Variants in GTF2IRD1 observed in about 807,000 individuals in gnomAD.
The protein encoded by GTF2IRD1 is GTF2I repeat domain containing 1, also known as general transcription factor II-I repeat domain-containing protein 1.
GTF2IRD1 carries 26 observed loss-of-function variants against 113.2 expected under a neutral mutation model. The ratio of observed to expected loss-of-function variants is 0.23; its 90% confidence interval spans 0.17 to 0.32. The LOEUF is 0.32. Among genes scored for constraint, GTF2IRD1 ranks in the 10% least tolerant of loss-of-function variants. GTF2IRD1 has a pLI of 1.00. For synonymous variants in GTF2IRD1, 484 were observed against 529.1 expected, an observed-to-expected ratio of 0.91 and a Z score of 1.17; for missense variants, 864 against 1,280.8, an observed-to-expected ratio of 0.67 and a Z score of 4.97.
At chr7:74,454,418 G>A (rs1286276928) in intron 1 of GTF2IRD1, among the ~76,000 whole-genome samples, 1 of 151,922 alleles carries the variant, frequency 6.6e-6, no homozygotes, top group Non-Finnish European at 1.5e-5. Context: ...CCGGGAGCTG[G>A]GAGCTGTCAC....
At chr7:74,587,457 GA>G (rs1303987584) in intron 22 of GTF2IRD1, among the ~76,000 whole-genome samples, 1 of 148,402 alleles carries the variant, frequency 6.7e-6, no homozygotes, top group Non-Finnish European at 1.5e-5. Flanking sequence ...AAAACAAAAA[GA>G]AAAAAAAACA....
intron 25 of GTF2IRD1, among the ~76,000 whole-genome samples, chr7:74,599,465 G>A (rs997330129): frequency 1.8e-4 from 27 of 152,046 alleles, no homozygotes; most frequent in African/African-American, 6.3e-4. Context: ...TGTTTTTTGA[G>A]TCTCACATCA....
intron 1 of GTF2IRD1, among the ~76,000 whole-genome samples, chr7:74,485,347 G>A (rs564471310): frequency 6.6e-6 from 1 of 152,318 alleles, no homozygotes; most frequent in East Asian, 1.9e-4. Context: ...GCTGGGTGCG[G>A]TGGCTCACGC....
At position 74,508,217 on chromosome 7, in the gene GTF2IRD1, C is replaced by T. The variant is rs781850044; in HGVS notation, c.123+14C>T. ...TTAGACTCCATGGTGAGTGTCCCCACCCACCCAAGAGGAGGGGACAGGGTG... is the reference window on the plus strand; with the variant it reads ...TTAGACTCCATGGTGAGTGTCCCCATCCACCCAAGAGGAGGGGACAGGGTG... On this transcript the variant is annotated intron_variant, in intron 2 of 26. Coordinates refer to ENST00000424337, the MANE Select transcript of GTF2IRD1 (RefSeq NM_005685.4). The T allele has an allele frequency of 1.2e-6, 2 of 1,609,362 alleles. No homozygotes were observed. The highest frequency in any genetic ancestry group is 1.1e-5 in the South Asian group (1 of 90,764).
chr7:74,571,337 G>A (rs1454870334), intron 22 of GTF2IRD1, among the ~76,000 whole-genome samples: 1 of 152,232 alleles, frequency 6.6e-6, no homozygotes, highest in Admixed American at 6.5e-5. Context: ...AGAGAGACTG[G>A]CCAGGATGGA....
At chr7:74,516,509 G>A (rs951072111) in intron 4 of GTF2IRD1, among the ~76,000 whole-genome samples, 4 of 152,218 alleles carry the variant, frequency 2.6e-5, no homozygotes, top group African/African-American at 9.6e-5. Context: ...GTCTTCACAC[G>A]CCCTGGGAAA....
In GTF2IRD1 at chr7:74,563,470, G is replaced by T. The variant is rs145295985; in HGVS notation, c.2320+3815G>T. On this transcript the variant is annotated intron_variant, in intron 22 of 26. Transcript: ENST00000424337. ...CGGGTGCCTCTAATCCCAGCTACTC[G>T]GGAGGCTGAGGCAGGAGAATCGCTT... 0.025 allele frequency among the ~76,000 whole-genome samples: 3,744 copies of T among 151,946 alleles called. 379 individuals carry two copies. In the East Asian group the frequency reaches 0.34, roughly 14 times the overall value.
At chr7:74,515,038 C>T (rs1796845368) in intron 3 of GTF2IRD1, among the ~76,000 whole-genome samples, 1 of 122,586 alleles carries the variant, frequency 8.2e-6, no homozygotes. Flanking sequence ...GCCTGGGCAA[C>T]AGAGCGAGAC....
chr7:74,574,163 T>TC (rs1800862519), intron 22 of GTF2IRD1, among the ~76,000 whole-genome samples: 6 of 148,008 alleles, frequency 4.1e-5, no homozygotes, highest in Admixed American at 4.1e-4. Flanking sequence ...TTTTTTTTTT[T>TC]TTTTTTTTTT....
chr7:74,517,614 T>C (rs1797025096), intron 4 of GTF2IRD1, among the ~76,000 whole-genome samples: 1 of 151,608 alleles, frequency 6.6e-6, no homozygotes, highest in African/African-American at 2.4e-5. Context: ...GAGACGGGGT[T>C]TCATCATGTT....
chr7:74,512,745 G>A lies in GTF2IRD1; in HGVS notation c.124-85G>A. 3 of 1,312,654 alleles carry A rather than the reference G, an allele frequency of 2.3e-6. No homozygotes were observed. Among genetic ancestry groups the A allele is most frequent in the Non-Finnish European group, 3.2e-6 (3 of 940,280 alleles). The allele number at this position is 1,312,654 out of a possible 1,614,324, so 81.3% of individuals were successfully genotyped here. ...CTGCTGGGGTCTCAGGCAGCTGGGA[G>A]CTCACATCCCACCCCCGAAGTGGAT... is the stretch of plus-strand genomic sequence containing the variant. On this transcript the variant is annotated intron_variant, in intron 2 of 26. Coordinates refer to ENST00000424337, the MANE Select transcript of GTF2IRD1 (RefSeq NM_005685.4). The surrounding 1 kb of genome is among the most constrained non-coding windows in gnomAD (Gnocchi z 4.4).
At chr7:74,577,354 TAGC>T (rs1801136711) in intron 22 of GTF2IRD1, among the ~76,000 whole-genome samples, 1 of 152,128 alleles carries the variant, frequency 6.6e-6, no homozygotes, top group South Asian at 2.1e-4. Context: ...CAGTAATTCT[TAGC>T]ATATTGCCAA....
chr7:74,463,707 G>T (rs1212349798), intron 1 of GTF2IRD1, among the ~76,000 whole-genome samples: 1 of 151,380 alleles, frequency 6.6e-6, no homozygotes, highest in Non-Finnish European at 1.5e-5. Flanking sequence ...TTGGGCCAGA[G>T]TAGGACCACT....
intron 19 of GTF2IRD1, among the ~76,000 whole-genome samples, chr7:74,557,265 C>T (rs1562867685): frequency 6.6e-6 from 1 of 152,156 alleles, no homozygotes; most frequent in Non-Finnish European, 1.5e-5. Flanking sequence ...GCTGGGCTTC[C>T]ATTCCCTCGC....
At chr7:74,556,620 CTTTTTTTTTTT>C (rs782679644) in intron 19 of GTF2IRD1, among the ~76,000 whole-genome samples, 1 of 107,162 alleles carries the variant, frequency 9.3e-6, no homozygotes, top group African/African-American at 3.6e-5. Flanking sequence ...CTGCACCCAG[CTTTTTTTTTTT>C]TTTTTTTTTT....
rs1179066530 is a variant in GTF2IRD1 at position 74,568,820 on chromosome 7, G to A, written c.2320+9165G>A. ...GGGGATGAAGGACAGTTGGGGTCAG[G>A]TTTCTAGAGGGAGGGCTGGAAGGAG... On this transcript the variant is annotated intron_variant, in intron 22 of 26. Coordinates refer to ENST00000424337, the MANE Select transcript of GTF2IRD1 (RefSeq NM_005685.4). Among the ~76,000 whole-genome samples the A allele has an allele frequency of 2.0e-5, 3 of 146,354 alleles. No individual in the cohort carries two copies. The South Asian group carries it at 6.5e-4, about 32-fold the overall frequency.
At chr7:74,469,034 G>A (rs1460474769) in intron 1 of GTF2IRD1, among the ~76,000 whole-genome samples, 3 of 150,242 alleles carry the variant, frequency 2.0e-5, no homozygotes, top group Non-Finnish European at 3.0e-5. Context: ...GCAGTGAACC[G>A]AGATCGAGCC....
chr7:74,519,333 C>A, intron 5 of GTF2IRD1, 76 bp from the exon 6 acceptor site: 2 of 1,016,230 alleles, frequency 2.0e-6, no homozygotes, highest in Non-Finnish European at 2.9e-6. Flanking sequence ...GGCAGGGATG[C>A]GGGGTTTTCG....
intron 1 of GTF2IRD1, among the ~76,000 whole-genome samples, chr7:74,465,322 A>T (rs932501615): frequency 2.6e-5 from 4 of 151,988 alleles, no homozygotes; most frequent in Non-Finnish European, 5.9e-5. Flanking sequence ...CAGCATATCC[A>T]AAGGAGAGAT....
Sources: gnomAD v4.1 joint callset for allele counts (sites outside exome capture counted in the v4.1 genomes callset) on GRCh38, gnomAD v4.1.1 for gene constraint, Gnocchi (gnomAD v3.1) non-coding constraint, MANE v1.5 for transcripts, NCBI Gene and HGNC (gene_info 2026-07-23, HGNC 2026-07-21) for gene names.